The following DIP2C variants were observed in gnomAD, a reference collection of about 807,000 sequenced individuals.
The protein encoded by DIP2C is DIP2 acetate--CoA ligase C (putative), also known as disco-interacting protein 2 homolog C.
A neutral mutation model predicts 192.4 loss-of-function variants in DIP2C; 33 were observed. The observed-to-expected ratio is 0.17, with a 90% confidence interval of 0.13 to 0.23. The LOEUF (loss-of-function observed/expected upper bound fraction) is 0.23. Among genes scored for constraint, DIP2C ranks in the 10% least tolerant of loss-of-function variants. The pLI, the probability that DIP2C is intolerant of heterozygous loss-of-function variation, is 1.00. For synonymous variants in DIP2C, 979 were observed against 864.1 expected (o/e 1.13, Z -2.33); for missense variants, 1,537 against 2,110.1 (o/e 0.73, Z 5.32).
In DIP2C at chr10:281,210, C is replaced by T. The variant is rs781358014; in HGVS notation, c.4408G>A (p.Val1470Ile). 28 of 1,613,964 alleles carry T rather than the reference C, an allele frequency of 1.7e-5. No individual in the cohort carries two copies. Among genetic ancestry groups the T allele is most frequent in the Admixed American group, 1.5e-4 (9 of 59,994 alleles). The change falls in exon 36 of 37, where the codon GTT (valine) becomes ATT (isoleucine). Residue 1470 changes from valine (V) to isoleucine (I), a missense_variant. Coordinates refer to ENST00000280886, the MANE Select transcript of DIP2C (RefSeq NM_014974.3). ...AAGCTCACGACTTACCATTCCGTAACGCTTTTATGGGCTCTGATGACCGAG... is the reference window on the plus strand; with the variant it reads ...AAGCTCACGACTTACCATTCCGTAATGCTTTTATGGGCTCTGATGACCGAG... ...ETSVIRAHKSVTECAVFTWTN... is the reference protein window; with the variant it reads ...ETSVIRAHKSITECAVFTWTN...
At chr10:512,484 A>G (rs1301030412) in intron 1 of DIP2C, among the ~76,000 whole-genome samples, 1 of 152,050 alleles carries the variant, frequency 6.6e-6, no homozygotes, top group Non-Finnish European at 1.5e-5. Flanking sequence ...CTGAGGTGGG[A>G]GGATCACCTG....
intron 1 of DIP2C, among the ~76,000 whole-genome samples, chr10:549,886 AGG>A (rs1361082177): frequency 6.6e-6 from 1 of 152,138 alleles, no homozygotes; most frequent in Non-Finnish European, 1.5e-5. Flanking sequence ...AGGGCAGCCC[AGG>A]GGCCCACACT....
intron 1 of DIP2C, among the ~76,000 whole-genome samples, chr10:513,816 C>T (rs542575754): frequency 8.5e-5 from 13 of 152,186 alleles, no homozygotes; most frequent in East Asian, 3.8e-4. Flanking sequence ...AAAACCTAAT[C>T]GAACCTCTCA....
intron 5 of DIP2C, among the ~76,000 whole-genome samples, chr10:420,872 T>C (rs1337974112): frequency 2.0e-5 from 3 of 152,170 alleles, no homozygotes; most frequent in Non-Finnish European, 2.9e-5. Flanking sequence ...CTTCTGTCCC[T>C]TGCCGGAGGG....
Position 595,611 on chromosome 10 carries a change from T to C in DIP2C, c.85+93883A>G, listed in dbSNP as rs377679926. ...TAGAACAAGGCAGGACACAAACTTT[T>C]AAAAAGCTCCAGTTGTCCCTCCATC... On this transcript the variant is annotated intron_variant, in intron 1 of 36. Transcript: ENST00000280886. 2.6e-5 allele frequency among the ~76,000 whole-genome samples: 4 copies of C among 152,206 alleles called. No homozygotes were observed. In the East Asian group the frequency reaches 7.7e-4, roughly 29 times the overall value.
intron 31 of DIP2C, among the ~76,000 whole-genome samples, chr10:317,523 G>A (rs3097725): frequency 0.99 from 150,327 of 152,312 alleles, 74,206 homozygotes; most frequent in East Asian, 1. Context: ...GACACGGCAC[G>A]GCTGTTTTTG....
chr10:651,477 A>G lies in DIP2C; in HGVS notation c.85+38017T>C. ...AGAAGACTTAGTAGAATGTATGAGT[A>G]ACAATTACAATTATATGAAAATCCG... On this transcript the variant is annotated intron_variant, in intron 1 of 36. Transcript: ENST00000280886. The surrounding 1 kb of genome is among the most constrained non-coding windows in gnomAD (Gnocchi z 4.1). 1 of 623,146 alleles carries G rather than the reference A, an allele frequency of 1.6e-6. No homozygotes were observed. Among genetic ancestry groups the G allele is most frequent in the Admixed American group, 2.3e-5 (1 of 43,412 alleles). 38.6% of individuals were successfully genotyped at this position (623,146 alleles called of 1,614,324 possible).
intron 26 of DIP2C, among the ~76,000 whole-genome samples, chr10:348,164 G>C: frequency 6.6e-6 from 1 of 152,234 alleles, no homozygotes; most frequent in Middle Eastern, 3.2e-3. Flanking sequence ...TGCCCACACT[G>C]TTCTCCCCTG....
chr10:309,306 CAG>C (rs1444379941), intron 32 of DIP2C, among the ~76,000 whole-genome samples: 1 of 152,098 alleles, frequency 6.6e-6, no homozygotes, highest in Admixed American at 6.5e-5. Context: ...CTTTTCTTCT[CAG>C]GGGGCGCTTA....
chr10:583,249 C>G (rs542024552), intron 1 of DIP2C, among the ~76,000 whole-genome samples: 1 of 152,356 alleles, frequency 6.6e-6, no homozygotes, highest in East Asian at 1.9e-4. Flanking sequence ...GCATGCAAAG[C>G]AAACACGGCA....
chr10:529,125 C>T lies in DIP2C; in HGVS notation c.86-42595G>A, dbSNP rs576826353. 5.3e-3 allele frequency among the ~76,000 whole-genome samples: 809 copies of T among 152,318 alleles called. 5 individuals are homozygous for T. Among genetic ancestry groups the T allele is most frequent in the Non-Finnish European group, 8.0e-3 (546 of 68,026 alleles). Reference sequence around the variant, plus strand: ...AGTGGGGCAGATCCGTTCAATCCCACAATCTGAACATTCTTCTAGGCCATC... The same window carrying T: ...AGTGGGGCAGATCCGTTCAATCCCATAATCTGAACATTCTTCTAGGCCATC... On this transcript the variant is annotated intron_variant, in intron 1 of 36. Coordinates refer to ENST00000280886, the MANE Select transcript of DIP2C (RefSeq NM_014974.3).
intron 1 of DIP2C, among the ~76,000 whole-genome samples, chr10:612,124 G>A (rs574084460): frequency 7.2e-5 from 11 of 152,078 alleles, no homozygotes; most frequent in African/African-American, 2.4e-4. Context: ...TTGAAACCTC[G>A]TCTCTACTAA....
intron 35 of DIP2C, 43 bp downstream of exon 35, chr10:283,229 T>G: frequency 6.5e-7 from 1 of 1,533,882 alleles, no homozygotes; most frequent in South Asian, 1.2e-5. Flanking sequence ...GCCTAACCTC[T>G]CTGCCCATCT....
chr10:656,581 T>C (rs1282429739), intron 1 of DIP2C, among the ~76,000 whole-genome samples: 6 of 152,256 alleles, frequency 3.9e-5, no homozygotes, highest in Admixed American at 6.5e-5. Context: ...TCTGTCTCTA[T>C]GATTCTATCA....
intron 17 of DIP2C, among the ~76,000 whole-genome samples, chr10:372,643 G>C (rs774579891): frequency 6.6e-6 from 1 of 152,226 alleles, no homozygotes; most frequent in Non-Finnish European, 1.5e-5. Flanking sequence ...CCTTGCAGAT[G>C]TGCAAGACAC....
chr10:508,818 T>C (rs1443033515), intron 1 of DIP2C, among the ~76,000 whole-genome samples: 1 of 152,126 alleles, frequency 6.6e-6, no homozygotes, highest in Admixed American at 6.5e-5. Flanking sequence ...GATGGGAAGT[T>C]GTGTACTACT....
At position 399,214 on chromosome 10, in the gene DIP2C, T is replaced by C. The variant is rs960707337; in HGVS notation, c.1155A>G (p.Ala385=). The C allele has an allele frequency of 1.9e-6, 3 of 1,613,896 alleles. No homozygotes were observed. In the South Asian group the frequency reaches 3.3e-5, roughly 18 times the overall value. The change falls in exon 10 of 37, where the codon GCA becomes GCG. Residue 385 remains alanine, a synonymous_variant. Coordinates refer to ENST00000280886, the MANE Select transcript of DIP2C (RefSeq NM_014974.3). ...EPMVRPGDRV[A]LVFPNNDPAA... Reference sequence around the variant, plus strand: ...CCGGATCATTGTTGGGGAACACCAGTGCCACCTGTGGGACAGGCCAGAGCG... The same window carrying C: ...CCGGATCATTGTTGGGGAACACCAGCGCCACCTGTGGGACAGGCCAGAGCG...
At position 378,948 on chromosome 10, in the gene DIP2C, G is replaced by A. The variant is rs142118294; in HGVS notation, c.1991+3699C>T. Among the ~76,000 whole-genome samples the A allele has an allele frequency of 2.7e-3, 415 of 152,340 alleles. 1 individual carries two copies. The highest frequency in any genetic ancestry group is 0.017 in the Middle Eastern group (5 of 294). On this transcript the variant is annotated intron_variant, in intron 17 of 36. Transcript: ENST00000280886. The stretch of plus-strand genomic sequence containing the variant: ...GAGGACAGGCGAGTCACCAGCCCTT[G>A]TCCCTTCAAAGTCTCCGACTCATGT...
At chr10:412,394 G>A (rs1402526596) in intron 8 of DIP2C, among the ~76,000 whole-genome samples, 2 of 152,204 alleles carry the variant, frequency 1.3e-5, no homozygotes, top group East Asian at 3.8e-4. Flanking sequence ...GCGACTCCAA[G>A]TACACAATTA....
Sources: allele counts gnomAD v4.1 joint callset (sites outside exome capture counted in the v4.1 genomes callset), GRCh38; gene constraint gnomAD v4.1.1; non-coding constraint Gnocchi (gnomAD v3.1); transcripts MANE v1.5; gene names NCBI Gene and HGNC (gene_info 2026-07-23, HGNC 2026-07-21).